Variants in RFC1 observed in about 807,000 individuals in gnomAD.
RFC1 encodes A1 140 kDa subunit.
In RFC1, 37 loss-of-function variants were observed where a neutral mutation model predicts 137.4. That is an observed-to-expected ratio of 0.27 (90% CI 0.21 to 0.35). The LOEUF is 0.35. Ranked by LOEUF, RFC1 falls within the 10% of genes least tolerant of loss-of-function variation. The pLI, the probability that RFC1 is intolerant of heterozygous loss-of-function variation, is 1.00. For synonymous variants in RFC1, 429 were observed against 455.7 expected (o/e 0.94, Z 0.75); for missense variants, 1,205 against 1,358.5 (o/e 0.89, Z 1.78).
intron 15 of RFC1, 66 bp from the exon 16 acceptor site, chr4:39,303,217 C>T: frequency 1.9e-6 from 2 of 1,052,620 alleles, no homozygotes; most frequent in African/African-American, 1.6e-5. Context: ...AAAACTGCTG[C>T]TCTGTAGAAA....
intron 4 of RFC1, among the ~76,000 whole-genome samples, chr4:39,331,064 T>C (rs1224945804): frequency 6.6e-6 from 1 of 152,164 alleles, no homozygotes; most frequent in East Asian, 1.9e-4. Context: ...TCCTAGTAAC[T>C]AACCATTGAG....
At position 39,291,865 on chromosome 4, in the gene RFC1, CA is replaced by C; in HGVS notation, c.2955-14del. 3.8e-6 allele frequency: 6 copies of C among 1,596,508 alleles called. No individual in the cohort carries two copies. The highest frequency in any genetic ancestry group is 5.2e-6 in the Non-Finnish European group (6 of 1,164,070). ...GCTGGAGTAAGTTCTGAAACCACAA[CA>C]AAAGAGACATAGTCAACAGCAAAGT... On this transcript the variant is annotated splice_polypyrimidine_tract_variant and intron_variant, in intron 22 of 24. Transcript: ENST00000349703.
In RFC1 at chr4:39,304,855, G is replaced by C. The variant is rs368198058; in HGVS notation, c.2069C>G (p.Ala690Gly). Reference protein sequence around the residue: ...RSKSSLKAIVAESLNNTSIKG... With the variant: ...RSKSSLKAIVGESLNNTSIKG... ...GATGCTGGTATTGTTCAGTGACTCA[G>C]CAACAATCGCCTTCAAACTGCTCTT... The change falls in exon 15 of 25, where the codon GCT becomes GGT. Residue 690 changes from alanine (A) to glycine (G), a missense_variant. Ala to Gly is a moderately conservative substitution (Grantham distance 60). Transcript: ENST00000349703. The C allele has an allele frequency of 1.4e-5, 22 of 1,612,976 alleles. No homozygotes were observed. Among genetic ancestry groups the C allele is most frequent in the Non-Finnish European group, 1.7e-5 (20 of 1,179,130 alleles).
At chr4:39,329,668 G>T (rs959214855) in intron 4 of RFC1, among the ~76,000 whole-genome samples, 7 of 152,132 alleles carry the variant, frequency 4.6e-5, no homozygotes, top group African/African-American at 1.7e-4. Flanking sequence ...TTGAGCCCAA[G>T]AAATGGAGGC....
intron 1 of RFC1, among the ~76,000 whole-genome samples, chr4:39,353,193 G>A (rs1357907889): frequency 2.0e-5 from 3 of 151,878 alleles, no homozygotes; most frequent in Non-Finnish European, 2.9e-5. Flanking sequence ...TTGAGGCCAG[G>A]AGTTCAAGAC....
chr4:39,355,162 C>T (rs1474315059), intron 1 of RFC1, among the ~76,000 whole-genome samples: 2 of 148,020 alleles, frequency 1.4e-5, no homozygotes, highest in Non-Finnish European at 3.0e-5. Flanking sequence ...GTGGCTCACA[C>T]CTGTAATCCC....
At chr4:39,298,307 CAAAAAAAAAAAAA>C (rs55727769) in intron 21 of RFC1, among the ~76,000 whole-genome samples, 1 of 111,218 alleles carries the variant, frequency 9.0e-6, no homozygotes, top group Non-Finnish European at 1.8e-5. Flanking sequence ...GACCTTGTCT[CAAAAAAAAAAAAA>C]AAAAAAAAAA....
intron 4 of RFC1, among the ~76,000 whole-genome samples, chr4:39,341,898 C>A (rs1740620809): frequency 6.6e-6 from 1 of 152,122 alleles, no homozygotes. Flanking sequence ...ACAAAACAAT[C>A]TTCTTTAAAA....
intron 21 of RFC1, among the ~76,000 whole-genome samples, chr4:39,298,223 A>T (rs1347102687): frequency 6.9e-6 from 1 of 145,762 alleles, no homozygotes; most frequent in African/African-American, 2.5e-5. Flanking sequence ...CGGGAGGATC[A>T]CTTGAGCCCA....
chr4:39,336,826 T>A (rs1203271801), intron 4 of RFC1, among the ~76,000 whole-genome samples: 1 of 152,182 alleles, frequency 6.6e-6, no homozygotes, highest in East Asian at 1.9e-4. Context: ...CAGTTATTCA[T>A]AAGAAACTAA....
chr4:39,302,933 A>C, intron 16 of RFC1, 59 bp from the exon 17 acceptor site: 1 of 1,529,502 alleles, frequency 6.5e-7, no homozygotes, highest in South Asian at 1.2e-5. Flanking sequence ...ATACCACACA[A>C]GCTATTTTAG....
chr4:39,345,581 C>T, intron 2 of RFC1, 105 bp from the exon 3 acceptor site: 9 of 843,544 alleles, frequency 1.1e-5, no homozygotes, highest in South Asian at 1.0e-4. Context: ...AGCGCAGTGG[C>T]ACGATCTCGG....
At chr4:39,358,730 G>A (rs1741603905) in intron 1 of RFC1, among the ~76,000 whole-genome samples, 1 of 152,206 alleles carries the variant, frequency 6.6e-6, no homozygotes, top group South Asian at 2.1e-4. Context: ...ATTTTCCACG[G>A]AAATACGAAA....
intron 4 of RFC1, among the ~76,000 whole-genome samples, chr4:39,336,433 C>G (rs1382979408): frequency 6.6e-6 from 1 of 152,230 alleles, no homozygotes. Context: ...CAAGGGCTCA[C>G]TAAGCATAAA....
chr4:39,306,162 G>A (rs997540602), intron 14 of RFC1, among the ~76,000 whole-genome samples: 1 of 152,140 alleles, frequency 6.6e-6, no homozygotes, highest in Non-Finnish European at 1.5e-5. Flanking sequence ...CCTGAGTCGC[G>A]CTACCGGGTG....
In RFC1 at chr4:39,300,285, T is replaced by C. The variant is rs1253219295; in HGVS notation, c.2665A>G (p.Ile889Val). 2.5e-6 allele frequency: 4 copies of C among 1,614,164 alleles called. No individual in the cohort carries two copies. Among genetic ancestry groups the C allele is most frequent in the Admixed American group, 1.7e-5 (1 of 60,026 alleles). Residue 889 changes from isoleucine to valine, a missense_variant, in exon 20 of 25, where the codon ATA becomes GTA. By Grantham distance (29) the Ile-to-Val change is conservative (BLOSUM62 3). Transcript: ENST00000349703. ...IAPLFVQENY[I>V]HVKPVAAGGD... Reference sequence around the variant, plus strand: ...CCTGCTGCTACAGGCTTCACGTGTATGTAATTTTCCTGGACGAAGAGGGGT... The same window carrying C: ...CCTGCTGCTACAGGCTTCACGTGTACGTAATTTTCCTGGACGAAGAGGGGT...
intron 4 of RFC1, among the ~76,000 whole-genome samples, chr4:39,330,645 C>A (rs913034751): frequency 2.0e-5 from 3 of 152,182 alleles, no homozygotes; most frequent in Admixed American, 6.5e-5. Flanking sequence ...TTTATTTCTA[C>A]ATTCAATGAG....
chr4:39,350,272 C>T (rs539071332), intron 2 of RFC1, among the ~76,000 whole-genome samples: 3 of 151,948 alleles, frequency 2.0e-5, no homozygotes, highest in African/African-American at 7.2e-5. Flanking sequence ...AAAACTCCAA[C>T]GTTTATGTAA....
chr4:39,309,169 C>T (rs1738843829), intron 12 of RFC1, 137 bp from the exon 13 acceptor site: 2 of 826,070 alleles, frequency 2.4e-6, no homozygotes, highest in African/African-American at 3.4e-5. Flanking sequence ...TCACAACAGA[C>T]TTTCCTGTTT....
Sources: allele counts gnomAD v4.1 joint callset (sites outside exome capture counted in the v4.1 genomes callset), GRCh38; gene constraint gnomAD v4.1.1; transcripts MANE v1.5; gene names NCBI Gene and HGNC (gene_info 2026-07-23, HGNC 2026-07-21).